The following COL5A1 variants were observed in gnomAD, a reference collection of about 807,000 sequenced individuals.
COL5A1 encodes collagen type V alpha 1 chain, also known as collagen alpha-1(V) chain.
In COL5A1, 16 loss-of-function variants were observed where a neutral mutation model predicts 263.7. The ratio of observed to expected loss-of-function variants is 0.06; its 90% confidence interval spans 0.04 to 0.09. COL5A1 has a LOEUF of 0.09. COL5A1 is among the 10% of genes least tolerant of loss of function. The pLI is 1.00. For missense variants in COL5A1, 2,036 were observed against 2,540.5 expected (o/e 0.80, Z 4.27); for synonymous variants, 1,012 against 1,004.5 (o/e 1.01, Z -0.14).
chr9:134,756,713 C>A, intron 16 of COL5A1, 52 bp from the exon 17 acceptor site: 1 of 1,579,864 alleles, frequency 6.3e-7, no homozygotes, highest in Non-Finnish European at 8.7e-7. Flanking sequence ...GCCCGGGGGT[C>A]TCAGTGAACC....
intron 11 of COL5A1, among the ~76,000 whole-genome samples, chr9:134,740,461 G>A (rs1049842388): frequency 1.3e-5 from 2 of 152,232 alleles, no homozygotes; most frequent in Non-Finnish European, 2.9e-5. Context: ...TGCATTGCAT[G>A]GCACTGGGAG....
intron 64 of COL5A1, among the ~76,000 whole-genome samples, chr9:134,833,608 G>A (rs115439017): frequency 0.014 from 2,077 of 152,234 alleles, 40 homozygotes; most frequent in African/African-American, 0.047. Flanking sequence ...GACATCATCC[G>A]GGACCCCTGT....
intron 16 of COL5A1, 104 bp from the exon 17 acceptor site, chr9:134,756,661 G>A (rs1364244269): frequency 4.3e-5 from 54 of 1,270,454 alleles, no homozygotes; most frequent in Non-Finnish European, 5.3e-5. Flanking sequence ...GGGTGGGCGC[G>A]GCTCTGGTGG....
chr9:134,724,262 A>G (rs1430884467), intron 4 of COL5A1, among the ~76,000 whole-genome samples: 1 of 152,168 alleles, frequency 6.6e-6, no homozygotes, highest in Non-Finnish European at 1.5e-5. Flanking sequence ...TTCTGCATAC[A>G]AGGAGTTTTG....
chr9:134,760,483 G>T (rs1836337867), intron 18 of COL5A1, among the ~76,000 whole-genome samples: 1 of 58,810 alleles, frequency 1.7e-5, no homozygotes, highest in African/African-American at 7.1e-5. Context: ...ATACACACAT[G>T]CACACACACC....
intron 1 of COL5A1, among the ~76,000 whole-genome samples, chr9:134,645,818 G>A (rs1224257025): frequency 6.6e-6 from 1 of 152,202 alleles, no homozygotes; most frequent in Non-Finnish European, 1.5e-5. Context: ...GCTCTCCCCG[G>A]GGAGAAGGCC....
At chr9:134,753,783 C>G in intron 14 of COL5A1, 67 bp from the exon 15 acceptor site, 1 of 1,062,736 alleles carries the variant, frequency 9.4e-7, no homozygotes, top group Non-Finnish European at 1.5e-6. Flanking sequence ...CCCTGCCACC[C>G]CCAGCCCTTC....
chr9:134,666,905 G>A (rs1832377781), intron 1 of COL5A1, among the ~76,000 whole-genome samples: 1 of 152,146 alleles, frequency 6.6e-6, no homozygotes, highest in Non-Finnish European at 1.5e-5. Flanking sequence ...TATACATGTT[G>A]AGCTGCCTTT....
rs1311382153 is a variant in COL5A1, at chr9:134,759,558, C to T, written c.1935+1262C>T. On this transcript the variant is annotated intron_variant, in intron 18 of 65. Coordinates refer to ENST00000371817, the MANE Select transcript of COL5A1 (RefSeq NM_000093.5). The stretch of plus-strand genomic sequence containing the variant: ...CCACACATGCGCACACACACTCATA[C>T]ACACATGCACACACCACACACCCCC... Among the ~76,000 whole-genome samples, 13 of 141,102 alleles carry T rather than the reference C, an allele frequency of 9.2e-5. 1 individual carries two copies. The highest frequency in any genetic ancestry group is 2.0e-4 in the Non-Finnish European group (13 of 65,478). The allele number at this position is 141,102 out of a possible 152,430, so 92.6% of individuals were successfully genotyped here. A position where few individuals can be genotyped will look rare whatever the true frequency, so the allele number is the denominator to read the frequency against.
At chr9:134,657,095 T>G (rs1370352179) in intron 1 of COL5A1, among the ~76,000 whole-genome samples, 2 of 94 alleles carry the variant, frequency 0.021, no homozygotes, top group Admixed American at 0.12. Flanking sequence ...AATATGGGGG[T>G]CAGGGCGGGG....
intron 1 of COL5A1, among the ~76,000 whole-genome samples, chr9:134,688,401 G>A (rs138513412): frequency 0.015 from 2,241 of 152,330 alleles, 37 homozygotes; most frequent in African/African-American, 0.05. Context: ...ATCTTCAGCA[G>A]GTGGACCGGC....
intron 63 of COL5A1, among the ~76,000 whole-genome samples, chr9:134,827,024 C>T (rs1477053790): frequency 2.6e-5 from 4 of 152,184 alleles, no homozygotes; most frequent in Non-Finnish European, 4.4e-5. Flanking sequence ...AGCTCTCGTG[C>T]CCCTGCATCA....
At chr9:134,645,592 A>G (rs1474722395) in intron 1 of COL5A1, among the ~76,000 whole-genome samples, 2 of 152,192 alleles carry the variant, frequency 1.3e-5, no homozygotes, top group Non-Finnish European at 2.9e-5. Context: ...AGGGGCTGGC[A>G]CTTGCCTGGC....
intron 8 of COL5A1, 37 bp downstream of exon 8, chr9:134,731,700 G>C (rs754535935): frequency 1.3e-6 from 2 of 1,583,126 alleles, no homozygotes; most frequent in Non-Finnish European, 1.7e-6. Flanking sequence ...GGTGGGGTTG[G>C]GGGGCTGGTG....
intron 11 of COL5A1, among the ~76,000 whole-genome samples, chr9:134,744,791 A>G (rs566870835): frequency 6.6e-6 from 1 of 151,878 alleles, no homozygotes; most frequent in Non-Finnish European, 1.5e-5. Context: ...ACACACATAC[A>G]CCCACACATG....
Position 134,709,487 on chromosome 9 carries a change from G to A in COL5A1, c.654+8154G>A, listed in dbSNP as rs529462763. Among the ~76,000 whole-genome samples, 12 of 152,344 alleles carry A rather than the reference G, an allele frequency of 7.9e-5. No homozygotes were observed. In the East Asian group the frequency reaches 1.5e-3, roughly 20 times the overall value. The stretch of plus-strand genomic sequence containing the variant: ...TCTGGTCTAGGGAGGCCTGAGTGGT[G>A]AGCGAGTGAGGCCTGGACTCCTTCC... On this transcript the variant is annotated intron_variant, in intron 4 of 65. Coordinates refer to ENST00000371817, the MANE Select transcript of COL5A1 (RefSeq NM_000093.5).
intron 25 of COL5A1, among the ~76,000 whole-genome samples, chr9:134,771,967 G>A (rs1478294169): frequency 2.0e-5 from 3 of 152,228 alleles, no homozygotes; most frequent in African/African-American, 7.2e-5. Flanking sequence ...TGACCCGCCT[G>A]GGTTGGAAAG....
In COL5A1 at chr9:134,752,989, C is replaced by A. The variant is rs77921486; in HGVS notation, c.1719+344C>A. On this transcript the variant is annotated intron_variant, in intron 14 of 65. Coordinates refer to ENST00000371817, the MANE Select transcript of COL5A1 (RefSeq NM_000093.5). ...TCAGAGGAGGAGGCCCCTCCTCACC[C>A]CTGCATTGGAGTTCCAGGCTCCCCC... Among the ~76,000 whole-genome samples, 457 of 152,202 alleles carry A rather than the reference C, an allele frequency of 3.0e-3. 2 individuals are homozygous for A. Among genetic ancestry groups the A allele is most frequent in the African/African-American group, 0.011 (444 of 41,506 alleles).
intron 4 of COL5A1, among the ~76,000 whole-genome samples, chr9:134,708,214 A>G (rs898632137): frequency 2.0e-5 from 3 of 152,154 alleles, no homozygotes; most frequent in Non-Finnish European, 4.4e-5. Flanking sequence ...TGGGCAGGGC[A>G]GGGCACTCCA....
Sources: allele counts gnomAD v4.1 joint callset (sites outside exome capture counted in the v4.1 genomes callset), GRCh38; gene constraint gnomAD v4.1.1; transcripts MANE v1.5; gene names NCBI Gene and HGNC (gene_info 2026-07-23, HGNC 2026-07-21).